NRDC: variants seen among roughly 807,000 people sequenced by gnomAD.
The protein encoded by NRDC is nardilysin convertase.
Under a neutral mutation model 147.1 loss-of-function variants are expected in NRDC, and 54 were observed. The ratio of observed to expected loss-of-function variants is 0.37; its 90% confidence interval spans 0.29 to 0.46. NRDC has a LOEUF of 0.46. Ranked by LOEUF, NRDC falls within the 20% of genes least tolerant of loss-of-function variation. The pLI is 1.00. For missense variants in NRDC, 1,082 were observed against 1,370.6 expected (o/e 0.79, Z 3.33); for synonymous variants, 440 against 482.1 (o/e 0.91, Z 1.14).
intron 1 of NRDC, among the ~76,000 whole-genome samples, chr1:51,871,654 T>C (rs1184647000): frequency 2.0e-5 from 3 of 151,822 alleles, no homozygotes; most frequent in African/African-American, 7.3e-5. Context: ...ATTAGTTAAC[T>C]TGCTAAAGGT....
At position 51,814,803 on chromosome 1, in the gene NRDC, G is replaced by T. The variant is rs1457182759; in HGVS notation, c.1450C>A (p.Leu484Ile). ...TCACCATTTCCACCAAACAGTGCAA[G>T]AGCCCAGCATCTACAGGTGGGGAAA... ...LSFLRKKCWALALFGGNGETG... is the reference protein window; with the variant it reads ...LSFLRKKCWAIALFGGNGETG... Residue 484 changes from leucine (L) to isoleucine (I), a missense_variant, in exon 12 of 31, where the codon CTT (leucine) becomes ATT (isoleucine). Leu to Ile is a conservative substitution (Grantham distance 5, BLOSUM62 2). Transcript: ENST00000352171. 6.3e-7 allele frequency: 1 copy of T among 1,596,860 alleles called. No individual in the cohort carries two copies. Among genetic ancestry groups the T allele is most frequent in the Non-Finnish European group, 8.5e-7 (1 of 1,174,224 alleles).
intron 23 of NRDC, 21 bp from the exon 24 acceptor site, chr1:51,794,631 G>A: frequency 6.2e-7 from 1 of 1,612,064 alleles, no homozygotes; most frequent in Non-Finnish European, 8.5e-7. Context: ...ATCAGTATGG[G>A]TCACTGAGGC....
intron 19 of NRDC, 93 bp downstream of exon 19, chr1:51,805,417 G>A (rs1679416880): frequency 1.0e-6 from 1 of 979,084 alleles, no homozygotes; most frequent in Non-Finnish European, 1.5e-6. Context: ...CTCAAATATG[G>A]ATAGAGAAAA....
At chr1:51,878,144 C>T (rs1038890711) in intron 1 of NRDC, 131 bp downstream of exon 1, 51 of 1,424,564 alleles carry the variant, frequency 3.6e-5, no homozygotes, top group Non-Finnish European at 4.6e-5. Flanking sequence ...CCACCTCCAC[C>T]CAAGGAAGCA....
At position 51,794,844 on chromosome 1, in the gene NRDC, T is replaced by C; in HGVS notation, c.2615A>G (p.Asp872Gly). 6.2e-7 allele frequency: 1 copy of C among 1,613,998 alleles called. No homozygotes were observed. The highest frequency in any genetic ancestry group is 1.1e-5 in the South Asian group (1 of 91,042). Residue 872 changes from aspartate to glycine, a missense_variant, in exon 23 of 31, where the codon GAT (aspartate) becomes GGT (glycine). By Grantham distance (94) the Asp-to-Gly change is moderately conservative. Coordinates refer to ENST00000352171, the MANE Select transcript of NRDC (RefSeq NM_001101662.2). ...QGNVTSTESM[D>G]FLKYVVDKLN... ...TTACTCAACAACATATTTCAGGAAA[T>C]CCATAGATTCCTAAGAGGCAAAAGA...
intron 1 of NRDC, among the ~76,000 whole-genome samples, chr1:51,854,850 T>C (rs1400058136): frequency 6.6e-6 from 1 of 152,190 alleles, no homozygotes; most frequent in Non-Finnish European, 1.5e-5. Flanking sequence ...ATGTCTCCAG[T>C]TGTTTTTCAG....
Position 51,792,407 on chromosome 1 carries a change from T to TA in NRDC, c.2792dup (p.Arg932LysfsTer19). 6.2e-7 allele frequency: 1 copy of TA among 1,614,124 alleles called. No individual in the cohort carries two copies. The highest frequency in any genetic ancestry group is 8.5e-7 in the Non-Finnish European group (1 of 1,179,980). On this transcript the variant is annotated frameshift_variant, in exon 25 of 31. Coordinates refer to ENST00000352171, the MANE Select transcript of NRDC (RefSeq NM_001101662.2). LOFTEE classifies it high-confidence loss of function. ...GCAGCTCCATAAGCGTATATTCTCTTAGACTCCTGGTACCTGACTGAAAAG... is the reference window on the plus strand; with the variant it reads ...GCAGCTCCATAAGCGTATATTCTCTTAAGACTCCTGGTACCTGACTGAAAAG...
At chr1:51,832,602 T>C (rs565327618) in intron 4 of NRDC, among the ~76,000 whole-genome samples, 2 of 152,264 alleles carry the variant, frequency 1.3e-5, no homozygotes, top group African/African-American at 4.8e-5. Context: ...CTTGCATATA[T>C]CTAGAATTAG....
chr1:51,848,338 A>C (rs1316434608), intron 1 of NRDC, among the ~76,000 whole-genome samples: 1 of 152,076 alleles, frequency 6.6e-6, no homozygotes, highest in African/African-American at 2.4e-5. Context: ...AAAATTAGAC[A>C]GGCGTGGTGG....
intron 28 of NRDC, 39 bp from the exon 29 acceptor site, chr1:51,790,688 CA>C: frequency 7.2e-7 from 1 of 1,389,694 alleles, no homozygotes; most frequent in South Asian, 1.2e-5. Flanking sequence ...GGTGAGGCAA[CA>C]TACCACTTCC....
intron 7 of NRDC, among the ~76,000 whole-genome samples, chr1:51,823,144 T>A (rs188645294): frequency 3.3e-5 from 5 of 152,326 alleles, no homozygotes; most frequent in African/African-American, 1.2e-4. Flanking sequence ...GAGATATTCA[T>A]CAGTCTTTAC....
rs60495773 is a variant in NRDC, at chr1:51,871,515, T to TAAAA, written c.341+6756_341+6759dup. On this transcript the variant is annotated intron_variant, in intron 1 of 30. Coordinates refer to ENST00000352171, the MANE Select transcript of NRDC (RefSeq NM_001101662.2). The stretch of plus-strand genomic sequence containing the variant: ...CAAGAATTCTCCTCCACTGGTTCAT[T>TAAAA]AAAAAAAAAAAAAAAAAAAAAAAAA... 2.9e-3 allele frequency among the ~76,000 whole-genome samples: 60 copies of TAAAA among 21,014 alleles called. 4 individuals are homozygous for TAAAA. The highest frequency in any genetic ancestry group is 8.3e-3 in the African/African-American group (54 of 6,492). The allele number at this position is 21,014 out of a possible 152,430, so 13.8% of individuals were successfully genotyped here. A position where few individuals can be genotyped will look rare whatever the true frequency, so the allele number is the denominator to read the frequency against.
chr1:51,821,105 T>A (rs892243813), intron 8 of NRDC, among the ~76,000 whole-genome samples: 1 of 152,042 alleles, frequency 6.6e-6, no homozygotes, highest in African/African-American at 2.4e-5. Flanking sequence ...CAGTGCAATA[T>A]CCAAACAACT....
At chr1:51,860,541 T>C (rs938332160) in intron 1 of NRDC, among the ~76,000 whole-genome samples, 2 of 152,204 alleles carry the variant, frequency 1.3e-5, no homozygotes, top group Non-Finnish European at 2.9e-5. Context: ...TAGCTTAAAA[T>C]GGCATTTCAT....
At chr1:51,802,678 C>A (rs1371747029) in intron 20 of NRDC, among the ~76,000 whole-genome samples, 1 of 152,198 alleles carries the variant, frequency 6.6e-6, no homozygotes, top group East Asian at 1.9e-4. Flanking sequence ...CTTCTGAGAC[C>A]AATCTTTGTT....
At chr1:51,859,407 G>A (rs186628847) in intron 1 of NRDC, among the ~76,000 whole-genome samples, 1 of 152,212 alleles carries the variant, frequency 6.6e-6, no homozygotes, top group African/African-American at 2.4e-5. Flanking sequence ...GGAGTCAGAG[G>A]TCTGGATGTA....
At position 51,805,067 on chromosome 1, in the gene NRDC, C is replaced by T. The variant is rs115714767; in HGVS notation, c.2162+443G>A. Among the ~76,000 whole-genome samples the T allele has an allele frequency of 7.8e-3, 1,194 of 152,352 alleles. 15 individuals carry two copies. The highest frequency in any genetic ancestry group is 0.028 in the African/African-American group (1,150 of 41,582). ...ACATTTCCCAAATATCTCCTATGTT[C>T]AGATACACTTTAGGGTCTCCGACCA... On this transcript the variant is annotated intron_variant, in intron 19 of 30. Coordinates refer to ENST00000352171, the MANE Select transcript of NRDC (RefSeq NM_001101662.2).
intron 14 of NRDC, 112 bp downstream of exon 14, chr1:51,813,923 C>T (rs1201640563): frequency 1.3e-6 from 1 of 741,770 alleles, no homozygotes; most frequent in African/African-American, 1.8e-5. Context: ...ACTCACATGA[C>T]ACAGAATGAC....
At chr1:51,822,150 G>A (rs952260978) in intron 7 of NRDC, among the ~76,000 whole-genome samples, 5 of 151,774 alleles carry the variant, frequency 3.3e-5, no homozygotes, top group Admixed American at 2.6e-4. Flanking sequence ...AGATCTAAAC[G>A]AAAAAGGAAA....
Sources: gnomAD v4.1 joint callset for allele counts (sites outside exome capture counted in the v4.1 genomes callset) on GRCh38, gnomAD v4.1.1 for gene constraint, MANE v1.5 for transcripts, NCBI Gene and HGNC (gene_info 2026-07-23, HGNC 2026-07-21) for gene names.